Variants in TENM1 observed in about 807,000 individuals in gnomAD.
TENM1 encodes the protein teneurin transmembrane protein 1.
Under a neutral mutation model 174.8 loss-of-function variants are expected in TENM1, and 35 were observed. The ratio of observed to expected loss-of-function variants is 0.20; its 90% CI spans 0.15 to 0.27. TENM1 has a LOEUF of 0.27. Among genes scored for constraint, TENM1 ranks in the 10% least tolerant of loss-of-function variants. TENM1 has a pLI of 1.00. For missense variants in TENM1, 1,633 were observed against 2,130.1 expected, an observed-to-expected ratio of 0.77 and a Z score of 4.59; for synonymous variants, 781 against 798.7, an observed-to-expected ratio of 0.98 and a Z score of 0.37.
intron 3 of TENM1, among the ~76,000 whole-genome samples, chrX:124,761,275 A>G (rs921639611): frequency 9.0e-6 from 1 of 110,798 alleles, no homozygotes; most frequent in African/African-American, 3.3e-5. Context: ...TCACAATAGC[A>G]AAGACTTGGA....
intron 11 of TENM1, among the ~76,000 whole-genome samples, chrX:124,627,152 A>C (rs1162246196): frequency 1.8e-5 from 2 of 111,600 alleles, no homozygotes. Flanking sequence ...CACTATGGGC[A>C]TTCCATTGAC....
At chrX:124,823,342 A>G (rs188503764) in intron 3 of TENM1, among the ~76,000 whole-genome samples, 9 of 112,246 alleles carry the variant, frequency 8.0e-5, no homozygotes, top group Middle Eastern at 4.6e-3. Flanking sequence ...CTGATCCTCA[A>G]ATAAATTATG....
At chrX:124,998,240 T>A in the TENM1 span, among the ~76,000 whole-genome samples, 11 of 110,243 alleles carry the variant, frequency 1.0e-4, no homozygotes, top group Non-Finnish European at 2.1e-4. Context: ...GTATAGTCCC[T>A]GACTTCAAGG....
chrX:124,396,077 C>T (rs1052719645), intron 27 of TENM1, among the ~76,000 whole-genome samples: 1 of 111,589 alleles, frequency 9.0e-6, no homozygotes, highest in African/African-American at 3.3e-5. Flanking sequence ...CCTGTCAAGA[C>T]GTCTGCCGCT....
chrX:124,466,162 G>A (rs2061238463), intron 22 of TENM1, among the ~76,000 whole-genome samples: 1 of 111,826 alleles, frequency 8.9e-6, no homozygotes, highest in Non-Finnish European at 1.9e-5. Flanking sequence ...AACAAGAGAT[G>A]GTTGTGGTGT....
the TENM1 span, among the ~76,000 whole-genome samples, chrX:125,004,704 G>C: frequency 9.0e-6 from 1 of 111,535 alleles, no homozygotes; most frequent in South Asian, 3.7e-4. Context: ...TGTTAAATTT[G>C]CTTCATTTAT....
intron 3 of TENM1, among the ~76,000 whole-genome samples, chrX:124,760,440 C>T (rs1268329020): frequency 1.8e-5 from 2 of 111,485 alleles, no homozygotes; most frequent in African/African-American, 6.5e-5. Context: ...CATGATTGCC[C>T]TGGTGAGAAC....
the TENM1 span, among the ~76,000 whole-genome samples, chrX:125,073,431 T>C: frequency 1.5e-4 from 17 of 111,887 alleles, no homozygotes; most frequent in East Asian, 3.1e-3. Context: ...TGATCTTTTA[T>C]GTTTATATTA....
At chrX:124,843,922 T>C (rs918260961) in intron 3 of TENM1, among the ~76,000 whole-genome samples, 4 of 111,859 alleles carry the variant, frequency 3.6e-5, no homozygotes, top group Admixed American at 9.5e-5. Context: ...CCTCCTTCTA[T>C]GCCGTAGGAA....
At chrX:124,660,392 TAAA>T (rs2051568924) in intron 6 of TENM1, among the ~76,000 whole-genome samples, 1 of 108,010 alleles carries the variant, frequency 9.3e-6, no homozygotes, top group African/African-American at 3.4e-5. Context: ...AAAAAAAAAT[TAAA>T]AACTTTTGTG....
chrX:124,688,325 C>T (rs1012615910), intron 5 of TENM1, among the ~76,000 whole-genome samples: 8 of 109,037 alleles, frequency 7.3e-5, no homozygotes, highest in Non-Finnish European at 1.3e-4. Flanking sequence ...TGTAGGCTCA[C>T]TGCAACCTCC....
intron 11 of TENM1, among the ~76,000 whole-genome samples, chrX:124,613,446 T>C (rs1375524512): frequency 9.0e-6 from 1 of 111,308 alleles, no homozygotes; most frequent in Non-Finnish European, 1.9e-5. Flanking sequence ...TTCTCTTATA[T>C]CAGCAAACTA....
At chrX:124,705,988 C>T (rs2052895072) in intron 4 of TENM1, among the ~76,000 whole-genome samples, 1 of 111,908 alleles carries the variant, frequency 8.9e-6, no homozygotes, top group Non-Finnish European at 1.9e-5. Flanking sequence ...TCACTGCAAC[C>T]TCCATCTCCC....
the TENM1 span, among the ~76,000 whole-genome samples, chrX:125,110,838 C>T: frequency 1.8e-5 from 2 of 111,774 alleles, no homozygotes; most frequent in Non-Finnish European, 3.8e-5. Context: ...TAGAATCCTA[C>T]CATGGAAATG....
chrX:125,200,654 T>TGTGTGTGAGAGAGAGAGAGAGAGAGAGA, the TENM1 span, among the ~76,000 whole-genome samples: 2 of 92,424 alleles, frequency 2.2e-5, no homozygotes, highest in African/African-American at 8.4e-5. Flanking sequence ...TGTGTGTGTG[T>TGTGTGTGAGAGAGAGAGAGAGAGAGAGA]GAGAGAGAGA....
chrX:124,824,395 T>G lies in TENM1; in HGVS notation c.535+69901A>C, dbSNP rs957789472. Among the ~76,000 whole-genome samples the G allele has an allele frequency of 3.5e-4, 39 of 112,071 alleles. No individual in the cohort carries two copies. The Admixed American group carries it at 3.7e-3, about 11-fold the overall frequency. ...ACTGCTCTATTCACTTTACACATTT[T>G]CTTTATGCACTTCATAGACAGCCAC... is the stretch of plus-strand genomic sequence containing the variant. On this transcript the variant is annotated intron_variant, in intron 3 of 31. Transcript: ENST00000422452.
chrX:125,093,314 C>T, the TENM1 span, among the ~76,000 whole-genome samples: 3 of 111,361 alleles, frequency 2.7e-5, no homozygotes, highest in African/African-American at 9.8e-5. Flanking sequence ...GATTACAGCA[C>T]AAAGAGTCAC....
At chrX:124,625,062 T>C (rs1487596332) in intron 11 of TENM1, among the ~76,000 whole-genome samples, 1 of 111,998 alleles carries the variant, frequency 8.9e-6, no homozygotes, top group Admixed American at 9.5e-5. Flanking sequence ...TGATCAAAGA[T>C]CCATGGGAAA....
chrX:125,087,674 C>T, the TENM1 span, among the ~76,000 whole-genome samples: 1 of 111,149 alleles, frequency 9.0e-6, no homozygotes, highest in East Asian at 2.8e-4. Flanking sequence ...AACACTAAAA[C>T]CCTACATTGC....
Sources: allele counts gnomAD v4.1 joint callset (sites outside exome capture counted in the v4.1 genomes callset), GRCh38; gene constraint gnomAD v4.1.1; transcripts MANE v1.5; gene names NCBI Gene and HGNC (gene_info 2026-07-23, HGNC 2026-07-21).